The following STOX2 variants were observed in gnomAD, a reference collection of about 807,000 sequenced individuals.
The protein encoded by STOX2 is storkhead box 2.
Under a neutral mutation model 60.9 loss-of-function variants are expected in STOX2, and 28 were observed. The observed-to-expected ratio is 0.46, with a 90% CI of 0.34 to 0.63. The LOEUF is 0.63. Ranked by LOEUF, STOX2 falls within the 30% of genes least tolerant of loss-of-function variation. The pLI is 0.01. For missense variants in STOX2, 1,024 were observed against 1,187.7 expected (o/e 0.86, Z 2.03); for synonymous variants, 472 against 463.9 (o/e 1.02, Z -0.22).
chr4:183,806,818 T>C lies in STOX2; in HGVS notation c.364+8763T>C, dbSNP rs902708330. On this transcript the variant is annotated intron_variant, in intron 1 of 2. Coordinates refer to the STOX2 transcript ENST00000513034. The surrounding 1 kb of genome is among the most constrained non-coding windows in gnomAD (Gnocchi z 4.1). Reference sequence around the variant, plus strand: ...GGAAACAAACATTTATGTGTTCGTGTTCAGGACGGTAGGGCCCAGGACATG... The same window carrying C: ...GGAAACAAACATTTATGTGTTCGTGCTCAGGACGGTAGGGCCCAGGACATG... Among the ~76,000 whole-genome samples the C allele has an allele frequency of 1.3e-5, 2 of 152,078 alleles. No individual in the cohort carries two copies. The highest frequency in any genetic ancestry group is 2.9e-5 in the Non-Finnish European group (2 of 68,032).
upstream of STOX2, among the ~76,000 whole-genome samples, chr4:183,903,558 G>A (rs948902125): frequency 6.6e-6 from 1 of 152,148 alleles, no homozygotes; most frequent in Non-Finnish European, 1.5e-5. Context: ...CCATCCCAGG[G>A]CTTGCGTATT....
chr4:183,955,848 C>T (rs889049347), intron 1 of STOX2, among the ~76,000 whole-genome samples: 5 of 152,108 alleles, frequency 3.3e-5, no homozygotes, highest in South Asian at 4.2e-4. Flanking sequence ...GCTTATCCCT[C>T]GTGGGCCTGC....
intron 1 of STOX2, chr4:183,798,902 G>GGCAAAA: frequency 3.9e-6 from 3 of 769,392 alleles, no homozygotes; most frequent in Non-Finnish European, 3.2e-6. Flanking sequence ...TTTATACTTT[G>GGCAAAA]AGTTTTTGTA....
intron 1 of STOX2, among the ~76,000 whole-genome samples, chr4:183,916,013 A>T (rs374405056): frequency 4.9e-4 from 75 of 152,352 alleles, no homozygotes; most frequent in African/African-American, 1.7e-3. Context: ...CTGTGTAGGT[A>T]CTTTCCTGGC....
intron 1 of STOX2, among the ~76,000 whole-genome samples, chr4:183,896,095 A>G (rs1306809312): frequency 1.3e-5 from 2 of 152,176 alleles, no homozygotes; most frequent in Non-Finnish European, 2.9e-5. Context: ...ACCACTGGGC[A>G]TATTTTGGTG....
intron 1 of STOX2, among the ~76,000 whole-genome samples, chr4:183,933,124 G>A (rs1443979783): frequency 6.6e-6 from 1 of 152,140 alleles, no homozygotes; most frequent in Non-Finnish European, 1.5e-5. Flanking sequence ...TTTTTAATGT[G>A]CATCAATAGA....
rs183684275 is a variant in STOX2 at position 183,953,824 on chromosome 4, C to T, written c.166+46868C>T. Among the ~76,000 whole-genome samples the T allele has an allele frequency of 6.5e-3, 993 of 152,252 alleles. 8 individuals are homozygous for T. Among genetic ancestry groups the T allele is most frequent in the Non-Finnish European group, 0.01 (689 of 68,004 alleles). The stretch of plus-strand genomic sequence containing the variant: ...CAAGTGATCCACCTGCCTCAGCCTC[C>T]CAAAGTGCTGGGATTATGGGCATGA... On this transcript the variant is annotated intron_variant, in intron 1 of 3. Coordinates refer to ENST00000308497, the MANE Select transcript of STOX2 (RefSeq NM_020225.3).
intron 1 of STOX2, among the ~76,000 whole-genome samples, chr4:183,998,024 T>C (rs942418528): frequency 2.0e-5 from 3 of 152,242 alleles, no homozygotes; most frequent in Non-Finnish European, 4.4e-5. Flanking sequence ...TTAATTAATT[T>C]TGCTAATAGT....
At chr4:183,979,309 G>A (rs537902574) in intron 1 of STOX2, among the ~76,000 whole-genome samples, 2 of 152,266 alleles carry the variant, frequency 1.3e-5, no homozygotes, top group Admixed American at 6.5e-5. Context: ...GAACGGTACC[G>A]AGGAGATGGT....
At chr4:183,902,666 C>CTATA (rs1229888491), upstream of STOX2, among the ~76,000 whole-genome samples, 1 of 152,128 alleles carries the variant, frequency 6.6e-6, no homozygotes, top group Non-Finnish European at 1.5e-5. Flanking sequence ...TTAATAGTGG[C>CTATA]TATAGTAACA....
intron 1 of STOX2, among the ~76,000 whole-genome samples, chr4:183,967,290 C>G (rs59739701): frequency 0.034 from 5,165 of 151,028 alleles, 280 homozygotes; most frequent in African/African-American, 0.12. Context: ...TGCCTGAACC[C>G]GGGAGGCGGA....
intron 1 of STOX2, among the ~76,000 whole-genome samples, chr4:183,986,101 T>A (rs569061876): frequency 1.3e-5 from 2 of 150,368 alleles, no homozygotes; most frequent in African/African-American, 4.9e-5. Context: ...GAAGGGAAAA[T>A]CAAGACCGTA....
At chr4:183,833,980 T>TG in intron 1 of STOX2, among the ~76,000 whole-genome samples, 1 of 51,318 alleles carries the variant, frequency 1.9e-5, no homozygotes, top group Non-Finnish European at 3.6e-5. Context: ...AGACTCCGTC[T>TG]CAAAAAAAAA....
At chr4:183,851,153 A>G (rs150709775) in intron 1 of STOX2, among the ~76,000 whole-genome samples, 10 of 43,998 alleles carry the variant, frequency 2.3e-4, no homozygotes, top group African/African-American at 5.4e-4. Context: ...AAAGGATGAG[A>G]GAAACGATGA....
chr4:183,841,657 G>A (rs923150523), intron 1 of STOX2, among the ~76,000 whole-genome samples: 4 of 152,116 alleles, frequency 2.6e-5, no homozygotes, highest in African/African-American at 9.7e-5. Context: ...CAACTTTTTA[G>A]AATAGGTAAG....
At chr4:183,816,059 C>T (rs570548522) in intron 1 of STOX2, among the ~76,000 whole-genome samples, 4 of 152,230 alleles carry the variant, frequency 2.6e-5, no homozygotes, top group Admixed American at 2.6e-4. Context: ...TTCAGAATTC[C>T]TGGGTCAATT....
chr4:183,847,473 G>GA (rs2111137181), intron 1 of STOX2, among the ~76,000 whole-genome samples: 1 of 152,244 alleles, frequency 6.6e-6, no homozygotes, highest in South Asian at 2.1e-4. Flanking sequence ...GGAAAGTTCT[G>GA]AATTAGCAAA....
At chr4:183,874,562 A>T (rs1049798276) in intron 1 of STOX2, among the ~76,000 whole-genome samples, 1 of 152,130 alleles carries the variant, frequency 6.6e-6, no homozygotes, top group Non-Finnish European at 1.5e-5. Flanking sequence ...CTAAGCAATT[A>T]TACAGAACTC....
chr4:183,843,147 C>CAAAAAAAAAA (rs60213127), intron 1 of STOX2, among the ~76,000 whole-genome samples: 1 of 102,210 alleles, frequency 9.8e-6, no homozygotes, highest in African/African-American at 3.7e-5. Context: ...GACTCCATCT[C>CAAAAAAAAAA]AAAAAAAAAA....
Sources: allele counts gnomAD v4.1 joint callset (sites outside exome capture counted in the v4.1 genomes callset), GRCh38; gene constraint gnomAD v4.1.1; non-coding constraint Gnocchi (gnomAD v3.1); transcripts MANE v1.5; gene names NCBI Gene and HGNC (gene_info 2026-07-23, HGNC 2026-07-21).